The following NSMCE3 variants were observed in gnomAD, a reference collection of about 807,000 sequenced individuals.
NSMCE3 encodes the protein NSE3 component of SMC5/6 complex.
For synonymous variants in NSMCE3, 214 were observed against 172.2 expected (o/e 1.24, Z -1.90); for missense variants, 452 against 399.5 (o/e 1.13, Z -1.12).
In NSMCE3 at chr15:29,269,612, C is replaced by G. The variant is rs991581750; in HGVS notation, c.94G>C (p.Ala32Pro). The G allele has an allele frequency of 1.9e-6, 3 of 1,563,556 alleles. No individual in the cohort carries two copies. Among genetic ancestry groups the G allele is most frequent in the Non-Finnish European group, 1.7e-6 (2 of 1,159,186 alleles). ...CTGAGAACCCGGGCGTCTTCCCCGG[C>G]CCGCGAAGCCCCGGGGTTTCCGCTA... ...SHSGNPGASR[A>P]GEDARVLRDG... is the part of the protein sequence containing the mutation. Residue 32 changes from alanine (A) to proline (P), a missense_variant, in exon 1 of 1, where the codon GCC becomes CCC. Coordinates refer to ENST00000332303, the MANE Select transcript of NSMCE3 (RefSeq NM_138704.4).
In NSMCE3 at chr15:29,267,653, A is replaced by G. The variant is rs763250781; in HGVS notation, c.*1138T>C. ...TACACGTTATATTTCCCCATACAAT[A>G]GAGTGAGACTAGAGGACTATCTTTT... On this transcript the variant is annotated 3_prime_UTR_variant, in exon 1 of 1. Transcript: ENST00000332303. The G allele has an allele frequency of 6.6e-6, 1 of 152,210 alleles. No individual in the cohort carries two copies. The highest frequency in any genetic ancestry group is 1.5e-5 in the Non-Finnish European group (1 of 68,032). 9.4% of individuals were successfully genotyped at this position (152,210 alleles called of 1,614,324 possible). A position where few individuals can be genotyped will look rare whatever the true frequency, so the allele number is the denominator to read the frequency against.
chr15:29,265,085 T>C lies in NSMCE3; in HGVS notation c.*3706A>G, dbSNP rs2043452510. The C allele has an allele frequency of 1.3e-5, 2 of 152,224 alleles. No homozygotes were observed. The highest frequency in any genetic ancestry group is 2.1e-4 in the South Asian group (1 of 4,820). The allele number at this position is 152,224 out of a possible 1,614,324, so 9.4% of individuals were successfully genotyped here. On this transcript the variant is annotated 3_prime_UTR_variant, in exon 1 of 1. Coordinates refer to ENST00000332303, the MANE Select transcript of NSMCE3 (RefSeq NM_138704.4). The stretch of plus-strand genomic sequence containing the variant: ...TCATAGTTTTTTTTCTGAACATCTC[T>C]AAGCAAGCTAGGACTGAAGGGGTAA...
In NSMCE3 at chr15:29,269,544, C is replaced by T. The variant is rs1378077425; in HGVS notation, c.162G>A (p.Pro54=). 45 of 1,511,256 alleles carry T rather than the reference C, an allele frequency of 3.0e-5. No homozygotes were observed. The highest frequency in any genetic ancestry group is 4.5e-5 in the Admixed American group (2 of 44,740). The allele number at this position is 1,511,256 out of a possible 1,614,324, so 93.6% of individuals were successfully genotyped here. Residue 54 remains proline, a synonymous_variant, in exon 1 of 1, where the codon CCG becomes CCA. Coordinates refer to ENST00000332303, the MANE Select transcript of NSMCE3 (RefSeq NM_138704.4). The part of the protein sequence containing the change: ...AEEAPSTSRG[P]GGSQGSQGPS... ...GGCCCTGCGACCCCTGCGAGCCGCCCGGCCCGCGGGACGTGCTCGGGGCCT... is the reference window on the plus strand; with the variant it reads ...GGCCCTGCGACCCCTGCGAGCCGCCTGGCCCGCGGGACGTGCTCGGGGCCT...
Position 29,269,642 on chromosome 15 carries a change from TC to T in NSMCE3, c.63del (p.Trp21Ter). On this transcript the variant is annotated frameshift_variant, in exon 1 of 1. Transcript: ENST00000332303. LOFTEE classifies it low-confidence loss of function (END_TRUNC). Reference sequence around the variant, plus strand: ...GAAGCCCCGGGGTTTCCGCTATGGCTCCAGTCTCTGTCCCTCTCGGCCTGGC... The same window carrying T: ...GAAGCCCCGGGGTTTCCGCTATGGCTCAGTCTCTGTCCCTCTCGGCCTGGC... ...SGGQAERDRD[W>X]SHSGNPGASR... The T allele has an allele frequency of 6.3e-7, 1 of 1,576,000 alleles. No homozygotes were observed. Among genetic ancestry groups the T allele is most frequent in the Non-Finnish European group, 8.6e-7 (1 of 1,165,344 alleles).
chr15:29,269,102 G>GA lies in NSMCE3; in HGVS notation c.603dup (p.Leu202SerfsTer24). On this transcript the variant is annotated frameshift_variant, in exon 1 of 1. Transcript: ENST00000332303. LOFTEE classifies it low-confidence loss of function (END_TRUNC). ...GTGGGGTAGACCCCTAAGCGCCGCA[G>GA]AAAGTCCCAGGCTTCAGTTTCCTTG... The GA allele has an allele frequency of 6.2e-7, 1 of 1,614,156 alleles. No homozygotes were observed. Among genetic ancestry groups the GA allele is most frequent in the Non-Finnish European group, 8.5e-7 (1 of 1,180,024 alleles).
At position 29,269,491 on chromosome 15, in the gene NSMCE3, TGGGCCC is replaced by T; in HGVS notation, c.209_214del (p.Arg70_Ala71del). 1 of 1,609,164 alleles carries T rather than the reference TGGGCCC, an allele frequency of 6.2e-7. No homozygotes were observed. The highest frequency in any genetic ancestry group is 1.1e-5 in the South Asian group (1 of 90,798). On this transcript the variant is annotated inframe_deletion, in exon 1 of 1. Coordinates refer to ENST00000332303, the MANE Select transcript of NSMCE3 (RefSeq NM_138704.4). Reference sequence around the variant, plus strand: ...CCTGGGCCCCACGGCGGGGGCGGCCTGGGCCCGGCGGGCGCCCTGAGGCGAGGGGCC... The same window carrying T: ...CCTGGGCCCCACGGCGGGGGCGGCCTGGCGGGCGCCCTGAGGCGAGGGGCC...
In NSMCE3 at chr15:29,269,505, G is replaced by A. The variant is rs760617684; in HGVS notation, c.201C>T (p.Gly67=). 2.5e-6 allele frequency: 4 copies of A among 1,602,328 alleles called. No homozygotes were observed. In the Admixed American group the frequency reaches 5.1e-5, roughly 20 times the overall value. Residue 67 remains glycine, a synonymous_variant, in exon 1 of 1, where the codon GGC becomes GGT. Transcript: ENST00000332303. The part of the protein sequence containing the change: ...SQGSQGPSPQ[G]ARRAQAAPAV... ...CGGGGGCGGCCTGGGCCCGGCGGGC[G>A]CCCTGAGGCGAGGGGCCCTGCGACC...
Position 29,266,746 on chromosome 15 carries a change from A to G in NSMCE3, c.*2045T>C, listed in dbSNP as rs1200072345. 1.3e-5 allele frequency: 2 copies of G among 152,216 alleles called. No homozygotes were observed. Among genetic ancestry groups the G allele is most frequent in the Non-Finnish European group, 2.9e-5 (2 of 68,038 alleles). The allele number at this position is 152,216 out of a possible 1,614,324, so 9.4% of individuals were successfully genotyped here. ...TAGTAAAATTATAAAGTCATACAAC[A>G]GCCCGATAGCCACAGACTTTTGTTA... On this transcript the variant is annotated 3_prime_UTR_variant, in exon 1 of 1. Coordinates refer to ENST00000332303, the MANE Select transcript of NSMCE3 (RefSeq NM_138704.4).
Position 29,267,753 on chromosome 15 carries a change from C to G in NSMCE3, c.*1038G>C, listed in dbSNP as rs1481464677. 1 of 152,062 alleles carries G rather than the reference C, an allele frequency of 6.6e-6. No individual in the cohort carries two copies. Among genetic ancestry groups the G allele is most frequent in the Non-Finnish European group, 1.5e-5 (1 of 68,026 alleles). The allele number at this position is 152,062 out of a possible 1,614,324, so 9.4% of individuals were successfully genotyped here. ...AAGTTATATTTAAAAAGTGGCAGCT[C>G]CAGACCAAGGAGAATAAAAAATAAA... On this transcript the variant is annotated 3_prime_UTR_variant, in exon 1 of 1. Transcript: ENST00000332303.
rs2043482233 is a variant in NSMCE3 at position 29,266,494 on chromosome 15, A to G, written c.*2297T>C. On this transcript the variant is annotated 3_prime_UTR_variant, in exon 1 of 1. Coordinates refer to ENST00000332303, the MANE Select transcript of NSMCE3 (RefSeq NM_138704.4). ...ATGCCTGCAAATCTCAAAGAACTGGAAAGACCTTAAATGTCCAGACATTAA... is the reference window on the plus strand; with the variant it reads ...ATGCCTGCAAATCTCAAAGAACTGGGAAGACCTTAAATGTCCAGACATTAA... The G allele has an allele frequency of 6.6e-6, 1 of 152,220 alleles. No homozygotes were observed. Among genetic ancestry groups the G allele is most frequent in the South Asian group, 2.1e-4 (1 of 4,826 alleles). 9.4% of individuals were successfully genotyped at this position (152,220 alleles called of 1,614,324 possible).
At position 29,266,355 on chromosome 15, in the gene NSMCE3, T is replaced by C. The variant is rs2043478626; in HGVS notation, c.*2436A>G. 6.6e-6 allele frequency: 1 copy of C among 152,164 alleles called. No homozygotes were observed. The highest frequency in any genetic ancestry group is 1.5e-5 in the Non-Finnish European group (1 of 68,028). 9.4% of individuals were successfully genotyped at this position (152,164 alleles called of 1,614,324 possible). On this transcript the variant is annotated 3_prime_UTR_variant, in exon 1 of 1. Transcript: ENST00000332303. ...AAACAAAACAAAACTGTATAAAATG[T>C]TGATGGGAGTGTAACTTGACACAAG...
rs1011594826 is a variant in NSMCE3 at position 29,267,163 on chromosome 15, A to G, written c.*1628T>C. 2.0e-5 allele frequency: 3 copies of G among 152,234 alleles called. No homozygotes were observed. The highest frequency in any genetic ancestry group is 4.8e-5 in the African/African-American group (2 of 41,464). The allele number at this position is 152,234 out of a possible 1,614,324, so 9.4% of individuals were successfully genotyped here. ...ACCCAGTAACCTATCACATTCCTCC[A>G]TACTCACTATAGACTCTTTTAAATG... On this transcript the variant is annotated 3_prime_UTR_variant, in exon 1 of 1. Coordinates refer to ENST00000332303, the MANE Select transcript of NSMCE3 (RefSeq NM_138704.4).
At position 29,269,154 on chromosome 15, in the gene NSMCE3, C is replaced by T. The variant is rs1280841446; in HGVS notation, c.552G>A (p.Gly184=). 7 of 1,614,108 alleles carry T rather than the reference C, an allele frequency of 4.3e-6. No homozygotes were observed. In the South Asian group the frequency reaches 5.5e-5, roughly 13 times the overall value. Residue 184 remains glycine (G), a synonymous_variant, in exon 1 of 1, where the codon GGG becomes GGA. Coordinates refer to ENST00000332303, the MANE Select transcript of NSMCE3 (RefSeq NM_138704.4). ...TGGTGTTGCCCTTCATAAAGATGAG[C>T]CCTAAGACGATCATCAGGAGGCCCG... is the stretch of plus-strand genomic sequence containing the variant. ...PTTGLLMIVL[G]LIFMKGNTIK...
In NSMCE3 at chr15:29,269,728, G is replaced by T. The variant is rs1425872245; in HGVS notation, c.-23C>A. On this transcript the variant is annotated 5_prime_UTR_variant, in exon 1 of 1. Transcript: ENST00000332303. ...CATGTCTCCGGCGGCAGGTGCCGGC[G>T]CACACTCCGGTAGGCAAGCAGCCGC... The T allele has an allele frequency of 2.7e-5, 41 of 1,491,834 alleles. No homozygotes were observed. The highest frequency in any genetic ancestry group is 3.5e-5 in the Non-Finnish European group (39 of 1,129,152). 92.4% of individuals were successfully genotyped at this position (1,491,834 alleles called of 1,614,324 possible).
Position 29,268,422 on chromosome 15 carries a change from G to T in NSMCE3, c.*369C>A, listed in dbSNP as rs2043528089. 4.5e-6 allele frequency: 1 copy of T among 220,750 alleles called. No individual in the cohort carries two copies. The highest frequency in any genetic ancestry group is 1.8e-4 in the South Asian group (1 of 5,508). 13.7% of individuals were successfully genotyped at this position (220,750 alleles called of 1,614,324 possible). A position where few individuals can be genotyped will look rare whatever the true frequency, so the allele number is the denominator to read the frequency against. On this transcript the variant is annotated 3_prime_UTR_variant, in exon 1 of 1. Transcript: ENST00000332303. ...ACTTTTATTTTTCCTTACAAACTGG[G>T]GTAGTTAGGAGACCTGATAATAGCT...
chr15:29,269,044 T>C lies in NSMCE3; in HGVS notation c.662A>G (p.Lys221Arg). The C allele has an allele frequency of 6.2e-7, 1 of 1,614,122 alleles. No homozygotes were observed. Among genetic ancestry groups the C allele is most frequent in the Non-Finnish European group, 8.5e-7 (1 of 1,180,018 alleles). ...KKHLIFGDPKKLITEDFVRQR... is the reference protein window; with the variant it reads ...KKHLIFGDPKRLITEDFVRQR... ...TCGCACAAAGTCCTCAGTAATGAGT[T>C]TCTTTGGATCTCCGAAAATTAAATG... The change falls in exon 1 of 1, where the codon AAA becomes AGA. Residue 221 changes from lysine (K) to arginine (R), a missense_variant. Physicochemically the swap from Lys to Arg is conservative, Grantham distance 26 (BLOSUM62 2). Coordinates refer to ENST00000332303, the MANE Select transcript of NSMCE3 (RefSeq NM_138704.4).
At position 29,268,861 on chromosome 15, in the gene NSMCE3, T is replaced by C. The variant is rs767713375; in HGVS notation, c.845A>G (p.Tyr282Cys). Residue 282 changes from tyrosine to cysteine, a missense_variant, in exon 1 of 1, where the codon TAC (tyrosine) becomes TGC (cysteine). Tyr to Cys is a radical substitution (Grantham distance 194). Transcript: ENST00000332303. ...NQDPKDWPAQ[Y>C]CEALADEENR... ...CTCCTCATCTGCCAAAGCCTCACAGTACTGCGCTGGCCAGTCCTTGGGGTC... is the reference window on the plus strand; with the variant it reads ...CTCCTCATCTGCCAAAGCCTCACAGCACTGCGCTGGCCAGTCCTTGGGGTC... 1.2e-6 allele frequency: 2 copies of C among 1,614,178 alleles called. No individual in the cohort carries two copies. The highest frequency in any genetic ancestry group is 1.3e-5 in the African/African-American group (1 of 75,054).
rs1487940821 is a variant in NSMCE3, at chr15:29,266,965, G to GT, written c.*1825dup. ...TTTTATTATACAGGTGAGAATGCGA[G>GT]TATCAGAGGGCATGAGGAGGAGAAA... On this transcript the variant is annotated 3_prime_UTR_variant, in exon 1 of 1. Transcript: ENST00000332303. The GT allele has an allele frequency of 5.9e-5, 9 of 152,360 alleles. No individual in the cohort carries two copies. Among genetic ancestry groups the GT allele is most frequent in the African/African-American group, 2.2e-4 (9 of 41,574 alleles). The allele number at this position is 152,360 out of a possible 1,614,324, so 9.4% of individuals were successfully genotyped here. A position where few individuals can be genotyped will look rare whatever the true frequency, so the allele number is the denominator to read the frequency against.
In NSMCE3 at chr15:29,268,643, C is replaced by A. The variant is rs2043533722; in HGVS notation, c.*148G>T. The A allele has an allele frequency of 1.4e-5, 9 of 662,196 alleles. No individual in the cohort carries two copies. Among genetic ancestry groups the A allele is most frequent in the Admixed American group, 3.7e-5 (1 of 27,226 alleles). The allele number at this position is 662,196 out of a possible 1,614,324, so 41.0% of individuals were successfully genotyped here. On this transcript the variant is annotated 3_prime_UTR_variant, in exon 1 of 1. Transcript: ENST00000332303. ...GCAAAATAACACAACATTAAAAAAA[C>A]AAAACTTTGCAAACACATCCTAAAG... is the stretch of plus-strand genomic sequence containing the variant.
Sources: allele counts gnomAD v4.1 joint callset, GRCh38; gene constraint gnomAD v4.1.1; transcripts MANE v1.5; gene names NCBI Gene and HGNC (gene_info 2026-07-23, HGNC 2026-07-21).